AGBL1: variants seen among roughly 807,000 people sequenced by gnomAD.
AGBL1 encodes the protein cytosolic carboxypeptidase 4.
Under a neutral mutation model 118.9 loss-of-function variants are expected in AGBL1, and 130 were observed. The observed-to-expected ratio is 1.09, with a 90% confidence interval of 0.95 to 1.26. The LOEUF (loss-of-function observed/expected upper bound fraction) is 1.26, where lower values mean the gene tolerates loss of function less well. Ranked by LOEUF, AGBL1 falls within the 50% of genes most tolerant of loss-of-function variation. The pLI is 0.00. For missense variants in AGBL1, 1,584 were observed against 1,298.1 expected (o/e 1.22, Z -3.38); for synonymous variants, 555 against 478.9 (o/e 1.16, Z -2.08).
rs370642377 is a variant in AGBL1 at position 86,187,594 on chromosome 15, G to A, written c.488+28568G>A. 1.1e-4 allele frequency among the ~76,000 whole-genome samples: 17 copies of A among 152,274 alleles called. No homozygotes were observed. In the East Asian group the frequency reaches 1.7e-3, roughly 16 times the overall value. On this transcript the variant is annotated intron_variant, in intron 5 of 22. Transcript: ENST00000614907. ...GGTATAATAGTGCTTGTCCTATGGA[G>A]CTGTGGTGAGATTGAAGTGGTATGA... is the stretch of plus-strand genomic sequence containing the variant.
chr15:86,754,785 C>G (rs368521483), intron 22 of AGBL1, among the ~76,000 whole-genome samples: 1 of 151,996 alleles, frequency 6.6e-6, no homozygotes, highest in Non-Finnish European at 1.5e-5. Context: ...TTTTTGTGTT[C>G]CCTGTTCAGA....
chr15:86,316,177 G>A (rs1001220390), intron 17 of AGBL1, among the ~76,000 whole-genome samples: 1 of 152,192 alleles, frequency 6.6e-6, no homozygotes, highest in Non-Finnish European at 1.5e-5. Flanking sequence ...CATGACAGTA[G>A]TGTAAAAGGT....
intron 6 of AGBL1, among the ~76,000 whole-genome samples, chr15:86,240,444 C>A (rs1426335030): frequency 6.6e-6 from 1 of 152,132 alleles, no homozygotes; most frequent in Non-Finnish European, 1.5e-5. Flanking sequence ...ACACAACTAC[C>A]TTTATTCTTA....
intron 17 of AGBL1, among the ~76,000 whole-genome samples, chr15:86,343,868 T>C (rs2080497525): frequency 6.6e-6 from 1 of 152,210 alleles, no homozygotes; most frequent in African/African-American, 2.4e-5. Context: ...CTGATAGGGC[T>C]ATGAAATATG....
At chr15:86,348,159 G>A (rs1219731643) in intron 17 of AGBL1, among the ~76,000 whole-genome samples, 3 of 152,044 alleles carry the variant, frequency 2.0e-5, no homozygotes, top group African/African-American at 7.2e-5. Flanking sequence ...TTAAGGAAGG[G>A]GAAAGGAACT....
intron 18 of AGBL1, among the ~76,000 whole-genome samples, chr15:86,489,513 A>G (rs946889693): frequency 2.6e-5 from 4 of 152,168 alleles, no homozygotes; most frequent in South Asian, 2.1e-4. Flanking sequence ...GAATAAAACC[A>G]GAAGGAGCAA....
intron 6 of AGBL1, among the ~76,000 whole-genome samples, chr15:86,230,424 C>T (rs2078437347): frequency 6.6e-6 from 1 of 152,200 alleles, no homozygotes; most frequent in Non-Finnish European, 1.5e-5. Flanking sequence ...GGATGGTTGG[C>T]ATTGTTAATC....
At chr15:86,496,462 A>T (rs1014642343) in intron 18 of AGBL1, among the ~76,000 whole-genome samples, 1 of 152,070 alleles carries the variant, frequency 6.6e-6, no homozygotes, top group Non-Finnish European at 1.5e-5. Context: ...GAGATGATAT[A>T]GCTTTTTTAA....
chr15:86,878,368 C>A (rs1394966417), intron 22 of AGBL1, among the ~76,000 whole-genome samples: 1 of 152,122 alleles, frequency 6.6e-6, no homozygotes, highest in Non-Finnish European at 1.5e-5. Flanking sequence ...AAAACAAAAC[C>A]TTTGTTTACA....
intron 18 of AGBL1, among the ~76,000 whole-genome samples, chr15:86,414,891 T>G (rs73455633): frequency 6.6e-6 from 1 of 152,100 alleles, no homozygotes; most frequent in African/African-American, 2.4e-5. Flanking sequence ...TGCCATTTAC[T>G]AGCTGTGTGA....
chr15:86,994,086 A>T (rs549261036), intron 24 of AGBL1, among the ~76,000 whole-genome samples: 1 of 152,278 alleles, frequency 6.6e-6, no homozygotes, highest in South Asian at 2.1e-4. Flanking sequence ...GAAGAACTCA[A>T]CTTCAGTCCT....
At chr15:86,453,760 T>G (rs915499175) in intron 18 of AGBL1, among the ~76,000 whole-genome samples, 2 of 152,228 alleles carry the variant, frequency 1.3e-5, no homozygotes, top group Non-Finnish European at 2.9e-5. Flanking sequence ...AAGCCCTGGA[T>G]GTTTGAGTAA....
chr15:86,879,983 C>G (rs2079867714), intron 22 of AGBL1, among the ~76,000 whole-genome samples: 1 of 152,104 alleles, frequency 6.6e-6, no homozygotes, highest in South Asian at 2.1e-4. Flanking sequence ...GCAGGAGATG[C>G]TTAAAAAGGA....
chr15:86,633,590 A>G (rs1418379972), intron 21 of AGBL1, among the ~76,000 whole-genome samples: 1 of 151,792 alleles, frequency 6.6e-6, no homozygotes, highest in Non-Finnish European at 1.5e-5. Context: ...ATGGTTCTTT[A>G]TATAGGTGTT....
chr15:86,499,730 A>G (rs372720606), intron 18 of AGBL1, among the ~76,000 whole-genome samples: 2 of 151,950 alleles, frequency 1.3e-5, no homozygotes, highest in South Asian at 4.1e-4. Context: ...AATGCATTAA[A>G]GGAAACTAAA....
chr15:86,977,551 A>G (rs2081187793), intron 23 of AGBL1, among the ~76,000 whole-genome samples: 1 of 151,914 alleles, frequency 6.6e-6, no homozygotes, highest in African/African-American at 2.4e-5. Context: ...CCTTAACTGC[A>G]ATATAATATT....
chr15:86,855,932 T>C (rs1205772307), intron 22 of AGBL1, among the ~76,000 whole-genome samples: 1 of 152,204 alleles, frequency 6.6e-6, no homozygotes, highest in Non-Finnish European at 1.5e-5. Flanking sequence ...CTAGAATGAT[T>C]TATTGAAAAT....
intron 1 of AGBL1, among the ~76,000 whole-genome samples, chr15:86,094,307 G>A (rs117149202): frequency 0.02 from 2,996 of 152,164 alleles, 50 homozygotes; most frequent in Non-Finnish European, 0.034. Context: ...CTTTGGCATT[G>A]AGTTAAATAT....
In AGBL1 at chr15:86,915,102, T is replaced by C. The variant is rs2080402654; in HGVS notation, c.*7808T>C. On this transcript the variant is annotated 3_prime_UTR_variant, in exon 23 of 23. Transcript: ENST00000614907. ...TCACTAAATAGATGAATCTGCAATG[T>C]TGTTGAGTGTGAATCTTAGCTTTGG... The C allele has an allele frequency of 6.6e-6, 1 of 152,212 alleles. No individual in the cohort carries two copies. Among genetic ancestry groups the C allele is most frequent in the Non-Finnish European group, 1.5e-5 (1 of 68,046 alleles). The allele number at this position is 152,212 out of a possible 1,614,324, so 9.4% of individuals were successfully genotyped here.
Sources: allele counts gnomAD v4.1 joint callset (sites outside exome capture counted in the v4.1 genomes callset), GRCh38; gene constraint gnomAD v4.1.1; transcripts MANE v1.5; gene names NCBI Gene and HGNC (gene_info 2026-07-23, HGNC 2026-07-21).